The following CPXM2 variants were observed in gnomAD, a reference collection of about 807,000 sequenced individuals.
The protein encoded by CPXM2 is carboxypeptidase X, M14 family member 2.
A neutral mutation model predicts 86.1 loss-of-function variants in CPXM2; 66 were observed. That is an observed-to-expected ratio of 0.77 (90% CI 0.63 to 0.94). The LOEUF (loss-of-function observed/expected upper bound fraction) is 0.94. Among genes scored for constraint, CPXM2 ranks in the 40% least tolerant of loss-of-function variants. The probability of loss-of-function intolerance (pLI) is 0.00; values close to 1 mark genes in which losing one functional copy is unlikely to be tolerated. For missense variants in CPXM2, 948 were observed against 1,026.3 expected (o/e 0.92, Z 1.04); for synonymous variants, 388 against 400.2 (o/e 0.97, Z 0.36).
At chr10:123,768,390 AAT>A in intron 9 of CPXM2, 134 bp downstream of exon 9, 1 of 163,234 alleles carries the variant, frequency 6.1e-6, no homozygotes, top group Non-Finnish European at 1.0e-5. Context: ...TAAATAAATA[AAT>A]AAATAAATAA....
intron 2 of CPXM2, among the ~76,000 whole-genome samples, chr10:123,924,207 CT>C (rs1456410302): frequency 4.6e-5 from 7 of 152,346 alleles, no homozygotes; most frequent in African/African-American, 1.7e-4. Context: ...AGTTAGGACA[CT>C]AACTACCTAG....
intron 12 of CPXM2, among the ~76,000 whole-genome samples, chr10:123,756,124 A>G (rs1896378): frequency 3.9e-5 from 6 of 152,204 alleles, no homozygotes; most frequent in Non-Finnish European, 7.3e-5. Flanking sequence ...AGCCAAAGCC[A>G]TGGGCTGAAT....
At chr10:123,908,427 G>A (rs575333392) in intron 2 of CPXM2, among the ~76,000 whole-genome samples, 3 of 152,266 alleles carry the variant, frequency 2.0e-5, no homozygotes, top group South Asian at 4.1e-4. Flanking sequence ...TTCTTCATTC[G>A]ATCACTCAAT....
At chr10:123,823,598 A>G (rs1487109887) in intron 4 of CPXM2, among the ~76,000 whole-genome samples, 11 of 152,206 alleles carry the variant, frequency 7.2e-5, no homozygotes, top group Non-Finnish European at 1.5e-4. Context: ...TGATTTAACA[A>G]AACTTGGCAA....
At chr10:123,879,930 T>A (rs1945053223) in intron 2 of CPXM2, among the ~76,000 whole-genome samples, 1 of 151,662 alleles carries the variant, frequency 6.6e-6, no homozygotes. Flanking sequence ...GAGAGAGAGG[T>A]GGGGAAAGCA....
At chr10:123,811,170 T>C (rs933121198) in intron 4 of CPXM2, among the ~76,000 whole-genome samples, 1 of 151,968 alleles carries the variant, frequency 6.6e-6, no homozygotes, top group Non-Finnish European at 1.5e-5. Flanking sequence ...TTATTATAAT[T>C]TAAGTTCTAG....
At chr10:123,940,402 C>T (rs11493072), upstream of CPXM2, 44,340 of 152,190 alleles carry the variant, frequency 0.29, 6,734 homozygotes, top group Middle Eastern at 0.37. Flanking sequence ...ACTCTGTGTC[C>T]TTGTGATGAT....
chr10:123,873,687 TAA>T (rs1944930632), intron 2 of CPXM2, among the ~76,000 whole-genome samples: 1 of 152,088 alleles, frequency 6.6e-6, no homozygotes, highest in Non-Finnish European at 1.5e-5. Flanking sequence ...GAATTAATAA[TAA>T]AGATTAGTGA....
rs200009107 is a variant in CPXM2, at chr10:123,878,506, CGTGTGTGTGTGTGTGTGTGTGTGTGT to C, written c.403+1679_403+1704del. Among the ~76,000 whole-genome samples the C allele has an allele frequency of 5.2e-5, 7 of 134,880 alleles. No homozygotes were observed. The South Asian group carries it at 1.5e-3, about 29-fold the overall frequency. 88.5% of individuals were successfully genotyped at this position (134,880 alleles called of 152,430 possible). A position where few individuals can be genotyped will look rare whatever the true frequency, so the allele number is the denominator to read the frequency against. On this transcript the variant is annotated intron_variant, in intron 2 of 13. Transcript: ENST00000241305. ...TGGCAGAAAAGGAGGCAAATTCAGA[CGTGTGTGTGTGTGTGTGTGTGTGTGT>C]GTGTGTGTGTGTGTAATTGAGTCTT...
intron 4 of CPXM2, among the ~76,000 whole-genome samples, chr10:123,813,911 G>A (rs537016552): frequency 1.3e-5 from 2 of 152,142 alleles, no homozygotes; most frequent in Non-Finnish European, 2.9e-5. Flanking sequence ...GATGTGTTGT[G>A]CAGCATGACT....
At chr10:123,917,005 A>T (rs1356918332) in intron 2 of CPXM2, among the ~76,000 whole-genome samples, 1 of 151,994 alleles carries the variant, frequency 6.6e-6, no homozygotes, top group Non-Finnish European at 1.5e-5. Context: ...AGAATGACAG[A>T]TAGGGAGATG....
At chr10:123,869,705 C>A (rs1944859782) in intron 2 of CPXM2, among the ~76,000 whole-genome samples, 1 of 152,194 alleles carries the variant, frequency 6.6e-6, no homozygotes, top group African/African-American at 2.4e-5. Context: ...AGCTCTGTCT[C>A]TTGCTAGCAG....
At chr10:123,829,944 C>T (rs1436090606) in intron 4 of CPXM2, among the ~76,000 whole-genome samples, 2 of 124,006 alleles carry the variant, frequency 1.6e-5, no homozygotes, top group African/African-American at 7.6e-5. Context: ...TCCTGGAAGC[C>T]ATTTGAGAAA....
At chr10:123,832,838 G>A (rs373466348) in intron 4 of CPXM2, among the ~76,000 whole-genome samples, 256 of 92,714 alleles carry the variant, frequency 2.8e-3, no homozygotes, top group East Asian at 7.7e-3. Context: ...AAAAAAAAAA[G>A]AAGTGGGTCT....
chr10:123,836,292 C>T (rs902738346), intron 4 of CPXM2, among the ~76,000 whole-genome samples: 17 of 152,166 alleles, frequency 1.1e-4, no homozygotes, highest in African/African-American at 3.1e-4. Context: ...ACTGTCTTCC[C>T]CTGCCAATCC....
chr10:123,751,166 C>T (rs1444918368), intron 13 of CPXM2: 5 of 485,788 alleles, frequency 1.0e-5, no homozygotes, highest in South Asian at 8.8e-5. Context: ...GGGAACTGCA[C>T]GGCTTAGCGC....
intron 13 of CPXM2, chr10:123,752,174 C>T (rs902649160): frequency 5.2e-5 from 51 of 985,280 alleles, no homozygotes; most frequent in Admixed American, 1.2e-4. Context: ...ATAATGATCG[C>T]CAACACTCTG....
chr10:123,914,525 G>A (rs2134273261), intron 2 of CPXM2, among the ~76,000 whole-genome samples: 1 of 152,148 alleles, frequency 6.6e-6, no homozygotes, highest in South Asian at 2.1e-4. Flanking sequence ...CTGCCTCCAG[G>A]TCCCAAACTT....
In CPXM2 at chr10:123,765,785, A is replaced by G. The variant is rs1245156378; in HGVS notation, c.1479+1188T>C. On this transcript the variant is annotated intron_variant, in intron 10 of 13. Coordinates refer to ENST00000241305, the MANE Select transcript of CPXM2 (RefSeq NM_198148.3). The stretch of plus-strand genomic sequence containing the variant: ...GGATGACCCCGTACTGTGAGTTACT[A>G]AAGGAGCCCACCCTGCTGCTCCTCC... Among the ~76,000 whole-genome samples the G allele has an allele frequency of 2.6e-5, 4 of 152,270 alleles. No homozygotes were observed. The South Asian group carries it at 6.2e-4, about 24-fold the overall frequency.
Sources: allele counts gnomAD v4.1 joint callset (sites outside exome capture counted in the v4.1 genomes callset), GRCh38; gene constraint gnomAD v4.1.1; transcripts MANE v1.5; gene names NCBI Gene and HGNC (gene_info 2026-07-23, HGNC 2026-07-21).